The following KDM5A variants were observed in gnomAD, a reference collection of about 807,000 sequenced individuals.
The protein encoded by KDM5A is lysine-specific demethylase 5A.
Under a neutral mutation model 193.5 loss-of-function variants are expected in KDM5A, and 42 were observed. The observed-to-expected ratio is 0.22, with a 90% CI of 0.17 to 0.28. The LOEUF (loss-of-function observed/expected upper bound fraction) is 0.28. KDM5A is among the 10% of genes least tolerant of loss of function. The pLI, the probability that KDM5A is intolerant of heterozygous loss-of-function variation, is 1.00. For missense variants in KDM5A, 1,692 were observed against 2,055.1 expected (o/e 0.82, Z 3.42); for synonymous variants, 796 against 718.1 (o/e 1.11, Z -1.73).
chr12:296,976 A>G lies in KDM5A; in HGVS notation c.4234+65T>C. ...TCGAAATGGAGTCACAGTCTTGATT[A>G]ACATAATGCTTTTTCTCATTGGTTT... On this transcript the variant is annotated intron_variant, in intron 25 of 27. Transcript: ENST00000399788. 3 of 1,513,112 alleles carry G rather than the reference A, an allele frequency of 2.0e-6. No individual in the cohort carries two copies. The East Asian group carries it at 6.8e-5, about 34-fold the overall frequency. 93.7% of individuals were successfully genotyped at this position (1,513,112 alleles called of 1,614,324 possible). A position where few individuals can be genotyped will look rare whatever the true frequency, so the allele number is the denominator to read the frequency against.
At chr12:305,768 G>C (rs1483514421) in intron 24 of KDM5A, among the ~76,000 whole-genome samples, 2 of 152,098 alleles carry the variant, frequency 1.3e-5, no homozygotes, top group Non-Finnish European at 2.9e-5. Flanking sequence ...AAACAAACTT[G>C]TCAAAACCTT....
chr12:350,858 TA>T, intron 9 of KDM5A, 79 bp from the exon 10 acceptor site: 1 of 1,264,028 alleles, frequency 7.9e-7, no homozygotes. Flanking sequence ...CAGGATCAAG[TA>T]AACACAAACC....
At chr12:371,784 T>G (rs9739950) in intron 3 of KDM5A, among the ~76,000 whole-genome samples, 86,369 of 152,050 alleles carry the variant, frequency 0.57, 27,503 homozygotes, top group Non-Finnish European at 0.72. Context: ...TTTGTATAAG[T>G]TGTAAGGAAG....
chr12:330,081 G>A (rs1372566404), intron 13 of KDM5A, among the ~76,000 whole-genome samples: 6,134 of 116,246 alleles, frequency 0.053, 282 homozygotes, highest in South Asian at 0.18. Context: ...GTGTGTGTGT[G>A]TGTGTATATA....
intron 5 of KDM5A, among the ~76,000 whole-genome samples, chr12:361,605 T>C (rs1944295906): frequency 6.6e-6 from 1 of 152,174 alleles, no homozygotes; most frequent in Non-Finnish European, 1.5e-5. Context: ...ATTGGTTAGA[T>C]GGACAGGAGC....
chr12:376,443 G>T (rs936407275), intron 3 of KDM5A, among the ~76,000 whole-genome samples: 1 of 152,230 alleles, frequency 6.6e-6, no homozygotes, highest in Non-Finnish European at 1.5e-5. Flanking sequence ...ACAGTGTTAC[G>T]GTGGGAGTGA....
intron 11 of KDM5A, 30 bp from the exon 12 acceptor site, chr12:333,679 C>T (rs1386541786): frequency 2.0e-5 from 32 of 1,605,168 alleles, no homozygotes; most frequent in Non-Finnish European, 2.6e-5. Context: ...TTTAGCTAGG[C>T]AGAACATGGT....
At chr12:292,680 C>T (rs1035126278) in intron 27 of KDM5A, 79 bp downstream of exon 27, 20 of 1,567,060 alleles carry the variant, frequency 1.3e-5, no homozygotes, top group Non-Finnish European at 1.5e-5. Flanking sequence ...AAACATACTA[C>T]ACATTGATAT....
At position 307,619 on chromosome 12, in the gene KDM5A, A is replaced by C. The variant is rs759991193; in HGVS notation, c.3765T>G (p.Ser1255Arg). Residue 1255 changes from serine (S) to arginine (R), a missense_variant, in exon 23 of 28, where the codon AGT (serine) becomes AGG (arginine). Physicochemically the swap from Ser to Arg is moderately radical, Grantham distance 110. Transcript: ENST00000399788. This position sits in a 1 kb window ranked among gnomAD's most constrained non-coding sequence, Gnocchi z 4.3. The stretch of plus-strand genomic sequence containing the variant: ...GAGCCTGCCGCGCTCTATCTTGCCA[A>C]CTCATAGCACGTTCTGTCAAACACT... ...ALQCLTERAMSWQDRARQALA... is the reference protein window; with the variant it reads ...ALQCLTERAMRWQDRARQALA... The C allele has an allele frequency of 3.1e-6, 5 of 1,614,018 alleles. No homozygotes were observed. In the Admixed American group the frequency reaches 8.3e-5, roughly 27 times the overall value.
intron 3 of KDM5A, among the ~76,000 whole-genome samples, chr12:381,610 T>C (rs1055108169): frequency 5.9e-5 from 9 of 152,164 alleles, no homozygotes; most frequent in Non-Finnish European, 1.2e-4. Context: ...TAATTTGTTC[T>C]TTAGTACCAT....
chr12:288,838 T>A (rs1361885238), intron 27 of KDM5A, among the ~76,000 whole-genome samples: 5 of 152,230 alleles, frequency 3.3e-5, no homozygotes, highest in African/African-American at 7.2e-5. Flanking sequence ...TTTCTCAGCA[T>A]GTGGGAATTT....
At chr12:385,349 A>G (rs1186856035) in intron 2 of KDM5A, among the ~76,000 whole-genome samples, 1 of 152,044 alleles carries the variant, frequency 6.6e-6, no homozygotes, top group Non-Finnish European at 1.5e-5. Context: ...CCATAAACAG[A>G]AAAAACAGCA....
Position 354,324 on chromosome 12 carries a change from T to C in KDM5A, c.871-90A>G, listed in dbSNP as rs1944203346. The C allele has an allele frequency of 5.9e-6, 5 of 853,696 alleles. No individual in the cohort carries two copies. In the South Asian group the frequency reaches 6.8e-5, roughly 12 times the overall value. The allele number at this position is 853,696 out of a possible 1,614,324, so 52.9% of individuals were successfully genotyped here. On this transcript the variant is annotated intron_variant, in intron 7 of 27. Coordinates refer to ENST00000399788, the MANE Select transcript of KDM5A (RefSeq NM_001042603.3). ...TCCTTAGCTGAAATAAACAAAATAATGCAACTGAAAAGTAAACATAACTTA... is the reference window on the plus strand; with the variant it reads ...TCCTTAGCTGAAATAAACAAAATAACGCAACTGAAAAGTAAACATAACTTA...
At chr12:354,261 C>G (rs2137454808) in intron 7 of KDM5A, 27 bp from the exon 8 acceptor site, 1 of 1,483,590 alleles carries the variant, frequency 6.7e-7, no homozygotes, top group Non-Finnish European at 9.3e-7. Context: ...AAATGAAAGT[C>G]TATTTTCTAT....
rs753809937 is a variant in KDM5A, at chr12:363,133, C to G, written c.538-36G>C. On this transcript the variant is annotated intron_variant, in intron 4 of 27. Coordinates refer to ENST00000399788, the MANE Select transcript of KDM5A (RefSeq NM_001042603.3). ...AGAGCACAGAAAGAGAGCAGGTTCA[C>G]TGATAAGAAATCATGCTGGAGAATC... 5.6e-6 allele frequency: 9 copies of G among 1,613,016 alleles called. No homozygotes were observed. In the Admixed American group the frequency reaches 1.5e-4, roughly 27 times the overall value.
Position 304,176 on chromosome 12 carries a change from G to A in KDM5A, c.4074+2770C>T, listed in dbSNP as rs373843656. Among the ~76,000 whole-genome samples, 76 of 152,206 alleles carry A rather than the reference G, an allele frequency of 5.0e-4. No individual in the cohort carries two copies. In the South Asian group the frequency reaches 0.014, roughly 28 times the overall value. On this transcript the variant is annotated intron_variant, in intron 24 of 27. Coordinates refer to ENST00000399788, the MANE Select transcript of KDM5A (RefSeq NM_001042603.3). ...CTTTGCTTCATTAAATATGTACCTCGTAAGTAATGATTTTCTGGATGGTAA... is the reference window on the plus strand; with the variant it reads ...CTTTGCTTCATTAAATATGTACCTCATAAGTAATGATTTTCTGGATGGTAA...
At chr12:365,913 A>G (rs1293792473) in intron 4 of KDM5A, 21 bp downstream of exon 4, 6 of 1,611,144 alleles carry the variant, frequency 3.7e-6, no homozygotes, top group Middle Eastern at 1.7e-4. Flanking sequence ...AACTTTTTCT[A>G]AAAAGAATAA....
chr12:320,855 G>A (rs1387374759), intron 18 of KDM5A, 140 bp downstream of exon 18: 4 of 677,452 alleles, frequency 5.9e-6, no homozygotes, highest in East Asian at 5.2e-5. Context: ...GCCTACTAAA[G>A]AACCTCAAAT....
chr12:373,547 T>G (rs940700342), intron 3 of KDM5A, among the ~76,000 whole-genome samples: 10 of 152,176 alleles, frequency 6.6e-5, no homozygotes, highest in Non-Finnish European at 1.3e-4. Flanking sequence ...GATTCATTGA[T>G]TTTTTGAAGG....
Sources: gnomAD v4.1 joint callset for allele counts (sites outside exome capture counted in the v4.1 genomes callset) on GRCh38, gnomAD v4.1.1 for gene constraint, Gnocchi (gnomAD v3.1) non-coding constraint, MANE v1.5 for transcripts, NCBI Gene and HGNC (gene_info 2026-07-23, HGNC 2026-07-21) for gene names.